The following TRMT44 variants were observed in gnomAD, a reference collection of about 807,000 sequenced individuals.
TRMT44 encodes tRNA methyltransferase 44 homolog.
A neutral mutation model predicts 77.3 loss-of-function variants in TRMT44; 78 were observed. The observed-to-expected ratio is 1.01, with a 90% CI of 0.84 to 1.22. The LOEUF (loss-of-function observed/expected upper bound fraction) is 1.22. TRMT44 is among the 50% of genes most tolerant of loss of function. The probability of loss-of-function intolerance (pLI) is 0.00; values close to 1 mark genes in which losing one functional copy is unlikely to be tolerated. For missense variants in TRMT44, 1,090 were observed against 964.4 expected, an observed-to-expected ratio of 1.13 and a Z score of -1.73; for synonymous variants, 391 against 383.3, an observed-to-expected ratio of 1.02 and a Z score of -0.23.
chr4:8,491,778 G>A (rs930236324), intron 2 of TRMT44, among the ~76,000 whole-genome samples: 4 of 152,186 alleles, frequency 2.6e-5, no homozygotes, highest in Admixed American at 6.5e-5. Flanking sequence ...CCCGGTTCCC[G>A]CTCGCGCCTC....
chr4:8,515,424 A>G, the TRMT44 span, among the ~76,000 whole-genome samples: 1 of 152,182 alleles, frequency 6.6e-6, no homozygotes, highest in Non-Finnish European at 1.5e-5. Context: ...GGCCCATAGA[A>G]TGACGAGAGC....
At position 8,445,755 on chromosome 4, in the gene TRMT44, T is replaced by C. The variant is rs1725017981; in HGVS notation, c.620-721T>C. Among the ~76,000 whole-genome samples the C allele has an allele frequency of 1.3e-5, 2 of 152,256 alleles. 1 individual carries two copies. Among genetic ancestry groups the C allele is most frequent in the South Asian group, 4.1e-4 (2 of 4,836 alleles). On this transcript the variant is annotated intron_variant, in intron 1 of 10. Coordinates refer to ENST00000389737, the MANE Select transcript of TRMT44 (RefSeq NM_152544.3). ...AGCCTCTGCTTCCTTTTGGCAGGTC[T>C]TGTTCTTTCATCTGCTGTGGAAGGT...
In TRMT44 at chr4:8,461,134, C is replaced by T. The variant is rs1020475548; in HGVS notation, c.1204-2851C>T. The stretch of plus-strand genomic sequence containing the variant: ...CCACAGGGCTGGGATGACAATGAGC[C>T]GCTGCGCCGGGCCAGGGTGCTTACT... On this transcript the variant is annotated intron_variant, in intron 6 of 10. Coordinates refer to ENST00000389737, the MANE Select transcript of TRMT44 (RefSeq NM_152544.3). This position sits in a 1 kb window ranked among gnomAD's most constrained non-coding sequence, Gnocchi z 4.6. Among the ~76,000 whole-genome samples, 8 of 152,096 alleles carry T rather than the reference C, an allele frequency of 5.3e-5. No individual in the cohort carries two copies. Among genetic ancestry groups the T allele is most frequent in the African/African-American group, 9.7e-5 (4 of 41,408 alleles).
At chr4:8,511,268 A>T in the TRMT44 span, among the ~76,000 whole-genome samples, 9 of 152,242 alleles carry the variant, frequency 5.9e-5, no homozygotes, top group South Asian at 8.3e-4. Flanking sequence ...GTCCAGAGGG[A>T]CAGGCCTGAA....
At chr4:8,504,292 C>A in the TRMT44 span, among the ~76,000 whole-genome samples, 1 of 152,188 alleles carries the variant, frequency 6.6e-6, no homozygotes, top group Non-Finnish European at 1.5e-5. This position sits in a 1 kb window ranked among gnomAD's most constrained non-coding sequence, Gnocchi z 5.3. Flanking sequence ...GAGCAATGGC[C>A]CCCATTCACT....
At chr4:8,467,053 TTGTCCGGAGGGGAC>T (rs1355731135) in intron 8 of TRMT44, among the ~76,000 whole-genome samples, 3 of 152,184 alleles carry the variant, frequency 2.0e-5, no homozygotes, top group Non-Finnish European at 2.9e-5. Flanking sequence ...CAGGGCCTGG[TTGTCCGGAGGGGAC>T]TGTCTGAAGG....
the TRMT44 span, chr4:8,509,727 C>T: frequency 1.3e-5 from 2 of 152,648 alleles, no homozygotes; most frequent in Non-Finnish European, 2.9e-5. Context: ...GCTGTTCTCA[C>T]CAGGAGGAGG....
chr4:8,497,175 GAGAA>G (rs923162809), downstream of TRMT44, among the ~76,000 whole-genome samples: 3 of 146,686 alleles, frequency 2.0e-5, no homozygotes, highest in Admixed American at 6.9e-5. Context: ...AAAAAAAAAA[GAGAA>G]AGACCAATTC....
intron 2 of TRMT44, among the ~76,000 whole-genome samples, chr4:8,483,939 G>A (rs1727718654): frequency 6.6e-6 from 1 of 152,182 alleles, no homozygotes; most frequent in African/African-American, 2.4e-5. Flanking sequence ...GTCCTGGGTG[G>A]GGGCAAATCC....
chr4:8,462,802 T>C lies in TRMT44; in HGVS notation c.1204-1183T>C, dbSNP rs10516193. ...GTTGGCAAGATAATATAAAATATGA[T>C]TATGGTCTTTACTAAATGTCAGTTA... On this transcript the variant is annotated intron_variant, in intron 6 of 10. Coordinates refer to ENST00000389737, the MANE Select transcript of TRMT44 (RefSeq NM_152544.3). Among the ~76,000 whole-genome samples, 2,407 of 152,290 alleles carry C rather than the reference T, an allele frequency of 0.016. 145 individuals are homozygous for C. In the East Asian group the frequency reaches 0.2, roughly 13 times the overall value.
At chr4:8,514,156 A>C in the TRMT44 span, among the ~76,000 whole-genome samples, 1 of 151,970 alleles carries the variant, frequency 6.6e-6, no homozygotes, top group African/African-American at 2.4e-5. Context: ...TTAGGTGAGC[A>C]GGGAAGAGCC....
Position 8,461,828 on chromosome 4 carries a change from C to T in TRMT44, c.1204-2157C>T, listed in dbSNP as rs925260537. Among the ~76,000 whole-genome samples, 5 of 152,150 alleles carry T rather than the reference C, an allele frequency of 3.3e-5. No homozygotes were observed. Among genetic ancestry groups the T allele is most frequent in the Admixed American group, 6.5e-5 (1 of 15,274 alleles). ...GCCAGAATGAGGGTGGTTCCGTTGA[C>T]GTGCACATGGTGTTTGTGGATTTTC... On this transcript the variant is annotated intron_variant, in intron 6 of 10. Transcript: ENST00000389737. The surrounding 1 kb of genome is among the most constrained non-coding windows in gnomAD (Gnocchi z 4.6).
Position 8,465,522 on chromosome 4 carries a change from C to T in TRMT44, c.1455C>T (p.His485=), listed in dbSNP as rs370630873. The T allele has an allele frequency of 6.9e-5, 112 of 1,613,740 alleles. 1 individual carries two copies. In the East Asian group the frequency reaches 7.4e-4, roughly 11 times the overall value. ...AAGTGGGCTTCACCTGTGGGTTTCA[C>T]GTGGACGAAGACTGCCTCAGGATTC... ...IKEVGFTCGF[H]VDEDCLRIPS... Residue 485 remains histidine, a synonymous_variant, in exon 8 of 11, where the codon CAC becomes CAT. Transcript: ENST00000389737.
chr4:8,442,516 TTG>T (rs777001538), intron 1 of TRMT44, among the ~76,000 whole-genome samples: 17 of 152,228 alleles, frequency 1.1e-4, no homozygotes, highest in Non-Finnish European at 2.5e-4. Context: ...AAAAAATTGA[TTG>T]TCTCAGTTCT....
intron 1 of TRMT44, among the ~76,000 whole-genome samples, chr4:8,445,386 T>A (rs1724994408): frequency 6.6e-6 from 1 of 152,240 alleles, no homozygotes; most frequent in Non-Finnish European, 1.5e-5. Context: ...AAGCTGTACT[T>A]CTATGAACTG....
At chr4:8,495,430 G>A (rs746644735), downstream of TRMT44, among the ~76,000 whole-genome samples, 1 of 152,160 alleles carries the variant, frequency 6.6e-6, no homozygotes, top group Admixed American at 6.5e-5. Context: ...GTTTTAGTCT[G>A]GGGGGCATGC....
the TRMT44 span, among the ~76,000 whole-genome samples, chr4:8,512,829 T>C: frequency 2.6e-5 from 4 of 152,246 alleles, no homozygotes; most frequent in Admixed American, 1.3e-4. Flanking sequence ...TGTCTGTTAT[T>C]ACTGCCTATT....
In TRMT44 at chr4:8,441,167, A is replaced by G; in HGVS notation, c.345A>G (p.Glu115=). The change falls in exon 1 of 11, where the codon GAA becomes GAG. Residue 115 remains glutamate (E), a synonymous_variant. Transcript: ENST00000389737. ...GCCAGCAAGAGGAGGCACAGAGGGA[A>G]GCCGCCTCAGTGCCCCTGAGGGACT... ...GQCQQEEAQR[E]AASVPLRDSG... 1 of 1,529,782 alleles carries G rather than the reference A, an allele frequency of 6.5e-7. No homozygotes were observed. Among genetic ancestry groups the G allele is most frequent in the Non-Finnish European group, 8.8e-7 (1 of 1,142,620 alleles). The allele number at this position is 1,529,782 out of a possible 1,614,324, so 94.8% of individuals were successfully genotyped here.
intron 2 of TRMT44, among the ~76,000 whole-genome samples, chr4:8,492,357 C>T (rs916042412): frequency 1.3e-5 from 2 of 152,176 alleles, no homozygotes; most frequent in African/African-American, 2.4e-5. Context: ...TTGCTCTGGC[C>T]ATGACCGCCG....
Sources: gnomAD v4.1 joint callset for allele counts (sites outside exome capture counted in the v4.1 genomes callset) on GRCh38, gnomAD v4.1.1 for gene constraint, Gnocchi (gnomAD v3.1) non-coding constraint, MANE v1.5 for transcripts, NCBI Gene and HGNC (gene_info 2026-07-23, HGNC 2026-07-21) for gene names.